Variants in MAP3K4 observed in about 807,000 individuals in gnomAD.
MAP3K4 encodes mitogen-activated protein kinase kinase kinase 4, also known as MAP three kinase 1.
In MAP3K4, 67 loss-of-function variants were observed where a neutral mutation model predicts 185.6. The observed-to-expected ratio is 0.36, with a 90% CI of 0.30 to 0.44. MAP3K4 has a LOEUF of 0.44. Among genes scored for constraint, MAP3K4 ranks in the 20% least tolerant of loss-of-function variants. The pLI is 1.00. For missense variants in MAP3K4, 1,551 were observed against 1,995.1 expected (o/e 0.78, Z 4.24); for synonymous variants, 702 against 710.4 (o/e 0.99, Z 0.19).
chr6:161,006,352 A>G (rs1032271790), intron 1 of MAP3K4, among the ~76,000 whole-genome samples: 11 of 152,242 alleles, frequency 7.2e-5, no homozygotes, highest in African/African-American at 1.9e-4. Flanking sequence ...AAATATTCAG[A>G]AAAAAAATTG....
intron 1 of MAP3K4, among the ~76,000 whole-genome samples, chr6:161,030,352 A>G (rs1242057098): frequency 6.6e-6 from 1 of 152,120 alleles, no homozygotes; most frequent in Non-Finnish European, 1.5e-5. Flanking sequence ...TTTTATCATT[A>G]TAATGTCTAC....
chr6:161,089,239 A>G lies in MAP3K4; in HGVS notation c.2824-83A>G. On this transcript the variant is annotated intron_variant, in intron 10 of 26. Transcript: ENST00000392142. ...TTGGCCTGGTATCCCTGAGATTGGC[A>G]TTGTTTTTGGACTGGTGTTGAACTA... 3.5e-6 allele frequency: 5 copies of G among 1,446,050 alleles called. No individual in the cohort carries two copies. In the South Asian group the frequency reaches 6.6e-5, roughly 19 times the overall value. 89.6% of individuals were successfully genotyped at this position (1,446,050 alleles called of 1,614,324 possible).
chr6:160,993,734 G>GT (rs534357668), intron 1 of MAP3K4, among the ~76,000 whole-genome samples: 62 of 52,306 alleles, frequency 1.2e-3, no homozygotes, highest in African/African-American at 4.1e-3. Flanking sequence ...TGCTTCAGTG[G>GT]TAAAAAAAAA....
intron 1 of MAP3K4, among the ~76,000 whole-genome samples, chr6:161,030,231 A>G (rs938073785): frequency 1.3e-5 from 2 of 151,320 alleles, no homozygotes; most frequent in African/African-American, 4.9e-5. Flanking sequence ...ATTTCTCCCA[A>G]TCTTTTTCTC....
At position 161,115,152 on chromosome 6, in the gene MAP3K4, T is replaced by C; in HGVS notation, c.4656T>C (p.Phe1552=). ...CTTGGCATGAGTATGAGCACAACTT[T>C]CAAATTATGTATAAAGTGGGGATGG... ...KRPWHEYEHN[F]QIMYKVGMGH... is the part of the protein sequence containing the mutation. The change falls in exon 26 of 27, where the codon TTT becomes TTC. Residue 1552 remains phenylalanine, a synonymous_variant. Coordinates refer to ENST00000392142, the MANE Select transcript of MAP3K4 (RefSeq NM_005922.4). This position sits in a 1 kb window ranked among gnomAD's most constrained non-coding sequence, Gnocchi z 6.0. The C allele has an allele frequency of 6.2e-7, 1 of 1,613,862 alleles. No individual in the cohort carries two copies.
intron 2 of MAP3K4, among the ~76,000 whole-genome samples, chr6:161,038,487 C>G (rs1343388473): frequency 2.6e-5 from 4 of 152,230 alleles, no homozygotes; most frequent in Admixed American, 2.6e-4. Flanking sequence ...TTATTTCTTT[C>G]TCACTGCAAC....
chr6:161,106,121 T>G lies in MAP3K4; in HGVS notation c.3857-393T>G, dbSNP rs1344546432. Among the ~76,000 whole-genome samples the G allele has an allele frequency of 6.6e-6, 1 of 152,026 alleles. No individual in the cohort carries two copies. Among genetic ancestry groups the G allele is most frequent in the Non-Finnish European group, 1.5e-5 (1 of 67,994 alleles). On this transcript the variant is annotated intron_variant, in intron 19 of 26. Transcript: ENST00000392142. The surrounding 1 kb of genome is among the most constrained non-coding windows in gnomAD (Gnocchi z 4.9). ...AAAGTGCTGGGATTACAAGAATGAG[T>G]CACTGCTCCAGGCCTCGTGAATTAA...
intron 1 of MAP3K4, among the ~76,000 whole-genome samples, chr6:160,994,123 T>C (rs1469940446): frequency 7.1e-6 from 1 of 140,180 alleles, no homozygotes; most frequent in African/African-American, 2.7e-5. Context: ...ATGCCACCTC[T>C]TTTTTTTTTT....
intron 19 of MAP3K4, among the ~76,000 whole-genome samples, chr6:161,104,709 C>CTA (rs1554286816): frequency 8.2e-6 from 1 of 121,630 alleles, no homozygotes; most frequent in Non-Finnish European, 1.7e-5. Flanking sequence ...GACTCCATCT[C>CTA]AAAAAAAAAA....
At chr6:161,055,938 A>G (rs11965987) in intron 3 of MAP3K4, among the ~76,000 whole-genome samples, 11 of 152,160 alleles carry the variant, frequency 7.2e-5, no homozygotes, top group Non-Finnish European at 1.3e-4. Flanking sequence ...TATCTAATGT[A>G]TTATTTGGAA....
chr6:161,055,767 T>A, intron 3 of MAP3K4, among the ~76,000 whole-genome samples: 1 of 152,264 alleles, frequency 6.6e-6, no homozygotes, highest in South Asian at 2.1e-4. Flanking sequence ...ATTGTCACTG[T>A]TGATGTTAAC....
At chr6:161,036,714 T>G (rs939018221) in intron 2 of MAP3K4, among the ~76,000 whole-genome samples, 8 of 152,162 alleles carry the variant, frequency 5.3e-5, no homozygotes, top group Admixed American at 4.6e-4. Flanking sequence ...TCAAAAGAAT[T>G]ATCTTTTGAA....
chr6:161,085,102 T>C (rs1227999101), intron 7 of MAP3K4, among the ~76,000 whole-genome samples: 1 of 150,620 alleles, frequency 6.6e-6, no homozygotes, highest in African/African-American at 2.4e-5. Flanking sequence ...GCCAAGATCA[T>C]GCCACTGCAC....
chr6:161,087,937 A>G lies in MAP3K4; in HGVS notation c.2806A>G (p.Thr936Ala), dbSNP rs771918006. The change falls in exon 10 of 27, where the codon ACC becomes GCC. Residue 936 changes from threonine to alanine, a missense_variant. Around this residue, in one of 16 missense-constraint regions of MAP3K4, gnomAD observed 261 missense variants for 306.5 expected, o/e 0.85. Transcript: ENST00000392142. The surrounding 1 kb of genome is among the most constrained non-coding windows in gnomAD (Gnocchi z 4.9). ...CGTGCCTCAGGTGGAGACTGTTGAC[A>G]CCCTGAGAAGCATGCAGGTACAGCT... ...KVVPQVETVD[T>A]LRSMQVDNLL... The G allele has an allele frequency of 4.3e-6, 7 of 1,613,218 alleles. No individual in the cohort carries two copies. Among genetic ancestry groups the G allele is most frequent in the Non-Finnish European group, 5.9e-6 (7 of 1,179,766 alleles).
intron 1 of MAP3K4, among the ~76,000 whole-genome samples, chr6:161,013,822 G>A (rs1757178629): frequency 2.0e-5 from 3 of 152,178 alleles, no homozygotes; most frequent in Admixed American, 2.0e-4. Context: ...TCTAGGGAAG[G>A]GGTAGTAACT....
rs59318594 is a variant in MAP3K4, at chr6:161,115,509, G to A, written c.4806+207G>A. Among the ~76,000 whole-genome samples the A allele has an allele frequency of 9.5e-3, 1,452 of 152,212 alleles. 21 individuals are homozygous for A. Among genetic ancestry groups the A allele is most frequent in the African/African-American group, 0.033 (1,353 of 41,524 alleles). Reference sequence around the variant, plus strand: ...TTCTTCCACTTGATCTGTTTTGATGGTGCATTTAAGATACACCAGAGACAG... The same window carrying A: ...TTCTTCCACTTGATCTGTTTTGATGATGCATTTAAGATACACCAGAGACAG... On this transcript the variant is annotated intron_variant, in intron 26 of 26. Coordinates refer to ENST00000392142, the MANE Select transcript of MAP3K4 (RefSeq NM_005922.4). The surrounding 1 kb of genome is among the most constrained non-coding windows in gnomAD (Gnocchi z 6.0).
chr6:161,017,770 T>A lies in MAP3K4; in HGVS notation c.153-16489T>A, dbSNP rs1683958386. Among the ~76,000 whole-genome samples the A allele has an allele frequency of 6.6e-6, 1 of 152,222 alleles. No individual in the cohort carries two copies. The highest frequency in any genetic ancestry group is 2.4e-5 in the African/African-American group (1 of 41,458). On this transcript the variant is annotated intron_variant, in intron 1 of 26. Coordinates refer to ENST00000392142, the MANE Select transcript of MAP3K4 (RefSeq NM_005922.4). The surrounding 1 kb of genome is among the most constrained non-coding windows in gnomAD (Gnocchi z 5.1). ...TCCTAAAGACACTGCTGTGTGATCCTATTATATAATACTTAGCTACATCAT... is the reference window on the plus strand; with the variant it reads ...TCCTAAAGACACTGCTGTGTGATCCAATTATATAATACTTAGCTACATCAT...
At position 161,082,056 on chromosome 6, in the gene MAP3K4, T is replaced by C. The variant is rs1250430508; in HGVS notation, c.2255+1018T>C. 6.6e-6 allele frequency among the ~76,000 whole-genome samples: 1 copy of C among 152,054 alleles called. No homozygotes were observed. The highest frequency in any genetic ancestry group is 1.5e-5 in the Non-Finnish European group (1 of 68,006). ...ATTTCTCCTATGTTCAGTCTCGGAA[T>C]CTCGTATCCACTTCTCTGTTCTAAT... On this transcript the variant is annotated intron_variant, in intron 6 of 26. Coordinates refer to ENST00000392142, the MANE Select transcript of MAP3K4 (RefSeq NM_005922.4). This position sits in a 1 kb window ranked among gnomAD's most constrained non-coding sequence, Gnocchi z 4.2.
At chr6:161,015,313 G>A (rs927508782) in intron 1 of MAP3K4, among the ~76,000 whole-genome samples, 2 of 151,718 alleles carry the variant, frequency 1.3e-5, no homozygotes, top group East Asian at 1.9e-4. Flanking sequence ...TGTTGATGGT[G>A]GGGGGAGGGA....
Sources: gnomAD v4.1 joint callset for allele counts (sites outside exome capture counted in the v4.1 genomes callset) on GRCh38, gnomAD v4.1.1 for gene constraint, gnomAD v4.1.1 regional missense constraint, Gnocchi (gnomAD v3.1) non-coding constraint, MANE v1.5 for transcripts, NCBI Gene and HGNC (gene_info 2026-07-23, HGNC 2026-07-21) for gene names.